The following DOCK4 variants were observed in gnomAD, a reference collection of about 807,000 sequenced individuals.
The protein encoded by DOCK4 is dedicator of cytokinesis 4, also known as dedicator of cytokinesis protein 4.
In DOCK4, 97 loss-of-function variants were observed where a neutral mutation model predicts 268.1. The ratio of observed to expected loss-of-function variants is 0.36; its 90% CI spans 0.31 to 0.43. The LOEUF (loss-of-function observed/expected upper bound fraction) is 0.43, where lower values mean the gene tolerates loss of function less well. Ranked by LOEUF, DOCK4 falls within the 20% of genes least tolerant of loss-of-function variation. DOCK4 has a pLI of 1.00. For synonymous variants in DOCK4, 954 were observed against 887.2 expected (o/e 1.08, Z -1.34); for missense variants, 2,145 against 2,455.7 (o/e 0.87, Z 2.67).
chr7:111,784,064 C>T (rs1216051796), intron 33 of DOCK4, 33 bp downstream of exon 33: 1 of 1,578,550 alleles, frequency 6.3e-7, no homozygotes, highest in East Asian at 2.3e-5. Flanking sequence ...TGCAACATCT[C>T]ACAAGTAGCA....
At chr7:111,900,966 C>A (rs1378694576) in intron 14 of DOCK4, among the ~76,000 whole-genome samples, 2 of 152,212 alleles carry the variant, frequency 1.3e-5, no homozygotes, top group African/African-American at 4.8e-5. Flanking sequence ...ATAAAAACAC[C>A]TGCTATTCTC....
intron 1 of DOCK4, among the ~76,000 whole-genome samples, chr7:112,165,736 C>T (rs962291825): frequency 2.6e-5 from 4 of 151,968 alleles, no homozygotes; most frequent in Non-Finnish European, 5.9e-5. Flanking sequence ...TCAAGAAGTA[C>T]TTAACTTTTG....
chr7:112,059,807 T>TA (rs1453973707), intron 1 of DOCK4, among the ~76,000 whole-genome samples: 3 of 152,182 alleles, frequency 2.0e-5, no homozygotes, highest in African/African-American at 4.8e-5. Context: ...GTCTAAAACT[T>TA]AGAGACATTC....
intron 1 of DOCK4, among the ~76,000 whole-genome samples, chr7:112,042,817 A>C (rs905702500): frequency 1.3e-5 from 2 of 152,178 alleles, no homozygotes; most frequent in Non-Finnish European, 2.9e-5. Flanking sequence ...GGGGCCTTCA[A>C]GGGGTAATTT....
At chr7:111,800,634 T>A (rs1241381229) in intron 30 of DOCK4, among the ~76,000 whole-genome samples, 1 of 152,168 alleles carries the variant, frequency 6.6e-6, no homozygotes, top group Non-Finnish European at 1.5e-5. Flanking sequence ...TCTTAATGCT[T>A]ATATTCTAAC....
intron 42 of DOCK4, among the ~76,000 whole-genome samples, 154 bp from the exon 43 acceptor site, chr7:111,747,597 G>GAAGT (rs1435011863): frequency 6.6e-6 from 1 of 152,208 alleles, no homozygotes; most frequent in African/African-American, 2.4e-5. Flanking sequence ...CAAGGATGTG[G>GAAGT]AAGTCAAGTG....
At chr7:111,985,828 T>A (rs182881578) in intron 6 of DOCK4, among the ~76,000 whole-genome samples, 5 of 152,242 alleles carry the variant, frequency 3.3e-5, no homozygotes, top group African/African-American at 1.2e-4. Context: ...GGGATTCTGA[T>A]AGGGTCTGTT....
At chr7:111,989,651 C>T (rs1799362935) in intron 5 of DOCK4, among the ~76,000 whole-genome samples, 3 of 152,184 alleles carry the variant, frequency 2.0e-5, no homozygotes, top group Non-Finnish European at 1.5e-5. Context: ...AGAAGTTGGG[C>T]ACAAAATTCA....
Position 111,847,321 on chromosome 7 carries a change from G to C in DOCK4, c.2474-195C>G, listed in dbSNP as rs534238919. 2.0e-5 allele frequency among the ~76,000 whole-genome samples: 3 copies of C among 152,288 alleles called. No homozygotes were observed. In the East Asian group the frequency reaches 5.8e-4, roughly 29 times the overall value. On this transcript the variant is annotated intron_variant, in intron 23 of 52. Coordinates refer to ENST00000428084, the MANE Select transcript of DOCK4 (RefSeq NM_001363540.2). The stretch of plus-strand genomic sequence containing the variant: ...TAATGCACAATTCCTACCTCAGGAG[G>C]CCTTTGACACTTTTAGGTGAAATAG...
At chr7:112,120,033 A>C (rs368845538) in intron 1 of DOCK4, among the ~76,000 whole-genome samples, 1 of 151,764 alleles carries the variant, frequency 6.6e-6, no homozygotes, top group Non-Finnish European at 1.5e-5. Context: ...ATTTTTAGTA[A>C]AGACGGGGTT....
intron 37 of DOCK4, among the ~76,000 whole-genome samples, chr7:111,767,824 A>T (rs961531690): frequency 6.6e-6 from 1 of 152,074 alleles, no homozygotes; most frequent in African/African-American, 2.4e-5. Flanking sequence ...TGCTTGGCTT[A>T]GTTGTGCTTG....
chr7:111,945,498 C>T (rs1446155063), intron 9 of DOCK4, among the ~76,000 whole-genome samples: 3 of 152,132 alleles, frequency 2.0e-5, no homozygotes, highest in Admixed American at 2.0e-4. Flanking sequence ...CACTGTTATA[C>T]TTTGGTAATA....
chr7:112,080,848 T>C (rs1808514566), intron 1 of DOCK4, among the ~76,000 whole-genome samples: 1 of 152,194 alleles, frequency 6.6e-6, no homozygotes, highest in Non-Finnish European at 1.5e-5. Flanking sequence ...AACTAGCAAC[T>C]GGATGCAGAC....
At chr7:111,753,414 G>A (rs1010016771) in intron 42 of DOCK4, among the ~76,000 whole-genome samples, 1 of 152,124 alleles carries the variant, frequency 6.6e-6, no homozygotes, top group Admixed American at 6.5e-5. Flanking sequence ...GGTCAAGGCT[G>A]CAGTGAGCCA....
intron 12 of DOCK4, among the ~76,000 whole-genome samples, chr7:111,934,424 C>G (rs4730503): frequency 6.6e-6 from 1 of 150,798 alleles, no homozygotes; most frequent in East Asian, 1.9e-4. Flanking sequence ...GCATCACTTT[C>G]TTTTTTAGCC....
At chr7:111,907,138 A>C (rs1791647329) in intron 13 of DOCK4, among the ~76,000 whole-genome samples, 1 of 136,118 alleles carries the variant, frequency 7.3e-6, no homozygotes, top group South Asian at 2.2e-4. Flanking sequence ...AAAGTTAACT[A>C]ATATTATATC....
chr7:112,169,957 TG>T (rs1817938222), intron 1 of DOCK4, among the ~76,000 whole-genome samples: 1 of 152,164 alleles, frequency 6.6e-6, no homozygotes, highest in African/African-American at 2.4e-5. Flanking sequence ...CACTTTTTCC[TG>T]AACAGAATTT....
At chr7:111,740,060 T>C (rs751507615) in intron 47 of DOCK4, 4 of 435,234 alleles carry the variant, frequency 9.2e-6, no homozygotes, top group African/African-American at 2.1e-5. Flanking sequence ...GATATGTACA[T>C]AAGTAAAGAT....
chr7:111,769,817 T>C, intron 36 of DOCK4, 140 bp from the exon 37 acceptor site: 1 of 964,726 alleles, frequency 1.0e-6, no homozygotes, highest in South Asian at 1.7e-5. Context: ...ATCCAGAATA[T>C]ATGCAGCAGT....
Sources: allele counts gnomAD v4.1 joint callset (sites outside exome capture counted in the v4.1 genomes callset), GRCh38; gene constraint gnomAD v4.1.1; transcripts MANE v1.5; gene names NCBI Gene and HGNC (gene_info 2026-07-23, HGNC 2026-07-21).